Variants in P2RX7 observed in about 807,000 individuals in gnomAD.
The protein encoded by P2RX7 is purinergic receptor P2X 7, also known as P2X purinoceptor 7.
Under a neutral mutation model 71.6 loss-of-function variants are expected in P2RX7, and 62 were observed. That is an observed-to-expected ratio of 0.87 (90% CI 0.71 to 1.07). The LOEUF (loss-of-function observed/expected upper bound fraction) is 1.07, where lower values mean the gene tolerates loss of function less well. Ranked by LOEUF, P2RX7 falls within the 50% of genes least tolerant of loss-of-function variation. P2RX7 has a pLI of 0.00. For missense variants in P2RX7, 686 were observed against 748.5 expected (o/e 0.92, Z 0.97); for synonymous variants, 299 against 283.3 (o/e 1.06, Z -0.56).
intron 1 of P2RX7, among the ~76,000 whole-genome samples, chr12:121,146,768 C>T (rs996290943): frequency 2.6e-5 from 4 of 152,202 alleles, no homozygotes; most frequent in Non-Finnish European, 4.4e-5. Flanking sequence ...TTCCTGGCAA[C>T]ATGAATGCGG....
chr12:121,180,271 T>C lies in P2RX7; in HGVS notation c.1189-83T>C, dbSNP rs1883911701. ...GTTCAATAGTCTATCATTTGGCAAA[T>C]AGGAATTACAGTTGCCTTTAGATAG... On this transcript the variant is annotated intron_variant, in intron 11 of 12. Coordinates refer to ENST00000328963, the MANE Select transcript of P2RX7 (RefSeq NM_002562.6). The C allele has an allele frequency of 7.7e-6, 5 of 646,202 alleles. No homozygotes were observed. In the East Asian group the frequency reaches 1.1e-4, roughly 14 times the overall value. 40.0% of individuals were successfully genotyped at this position (646,202 alleles called of 1,614,324 possible).
At chr12:121,142,412 G>T (rs1875108190) in intron 1 of P2RX7, among the ~76,000 whole-genome samples, 1 of 152,146 alleles carries the variant, frequency 6.6e-6, no homozygotes, top group Non-Finnish European at 1.5e-5. Flanking sequence ...AGCCTGCTAT[G>T]ACACAACGCA....
At chr12:121,136,023 A>AATATATATATATATATATATAT (rs1555222078) in intron 1 of P2RX7, among the ~76,000 whole-genome samples, 19 of 15,220 alleles carry the variant, frequency 1.2e-3, no homozygotes, top group East Asian at 3.9e-3. Context: ...AAAAAAAAAA[A>AATATATATATATATATATATAT]ATATATATAT....
In P2RX7 at chr12:121,167,561, A is replaced by C. The variant is rs1881347913; in HGVS notation, c.818A>C (p.Tyr273Ser). The C allele has an allele frequency of 6.2e-7, 1 of 1,612,824 alleles. No individual in the cohort carries two copies. The highest frequency in any genetic ancestry group is 1.7e-5 in the Admixed American group (1 of 59,828). ...TGGTTCCATCACTGCCGTCCCAAATACAGTTTCCGTCGCCTTGACGACAAG... is the reference window on the plus strand; with the variant it reads ...TGGTTCCATCACTGCCGTCCCAAATCCAGTTTCCGTCGCCTTGACGACAAG... ...DRWFHHCRPK[Y>S]SFRRLDDKTT... Residue 273 changes from tyrosine to serine, a missense_variant, in exon 8 of 13, where the codon TAC (tyrosine) becomes TCC (serine). Transcript: ENST00000328963.
chr12:121,184,227 T>A lies in P2RX7; in HGVS notation c.1291-78T>A, dbSNP rs1884609725. On this transcript the variant is annotated intron_variant, in intron 12 of 12. Coordinates refer to ENST00000328963, the MANE Select transcript of P2RX7 (RefSeq NM_002562.6). ...AAATCATGTAATATTAAACGTAACT[T>A]TATAAGTTAATAAAATTAAAGAACC... 6 of 1,473,306 alleles carry A rather than the reference T, an allele frequency of 4.1e-6. No homozygotes were observed. The South Asian group carries it at 8.5e-5, about 21-fold the overall frequency. 91.3% of individuals were successfully genotyped at this position (1,473,306 alleles called of 1,614,324 possible).
chr12:121,175,323 A>AAAAAAAAC, intron 8 of P2RX7, 65 bp from the exon 9 acceptor site: 3 of 994,892 alleles, frequency 3.0e-6, no homozygotes, highest in South Asian at 3.0e-5. Flanking sequence ...AAAAAAAAAA[A>AAAAAAAAC]AAAAAACCCA....
intron 1 of P2RX7, among the ~76,000 whole-genome samples, chr12:121,147,369 G>T (rs762444948): frequency 3.9e-5 from 6 of 152,124 alleles, no homozygotes; most frequent in African/African-American, 1.4e-4. Flanking sequence ...GATTGCAAGA[G>T]TTAATATATG....
intron 1 of P2RX7, among the ~76,000 whole-genome samples, chr12:121,140,117 C>G (rs1367836578): frequency 6.6e-6 from 1 of 152,120 alleles, no homozygotes. Flanking sequence ...TGTGCTAGAG[C>G]TTGAGGGGAA....
chr12:121,174,101 G>T (rs554093102), intron 8 of P2RX7, among the ~76,000 whole-genome samples: 1 of 135,636 alleles, frequency 7.4e-6, no homozygotes, highest in Non-Finnish European at 1.5e-5. Context: ...AGGCTAGAGC[G>T]CAGTGATACG....
In P2RX7 at chr12:121,187,254, T is replaced by C. The variant is rs992401155; in HGVS notation, c.*2452T>C. 1 of 152,242 alleles carries C rather than the reference T, an allele frequency of 6.6e-6. No individual in the cohort carries two copies. Among genetic ancestry groups the C allele is most frequent in the African/African-American group, 2.4e-5 (1 of 41,472 alleles). The allele number at this position is 152,242 out of a possible 1,614,324, so 9.4% of individuals were successfully genotyped here. A position where few individuals can be genotyped will look rare whatever the true frequency, so the allele number is the denominator to read the frequency against. On this transcript the variant is annotated 3_prime_UTR_variant, in exon 13 of 13. Coordinates refer to ENST00000328963, the MANE Select transcript of P2RX7 (RefSeq NM_002562.6). ...TAAGAGTTACCATTTTGATACCTTT[T>C]AAAAACCAGCAGCTTTCTACTATAT...
In P2RX7 at chr12:121,165,579, G is replaced by A. The variant is rs891219953; in HGVS notation, c.614+142G>A. 4.0e-5 allele frequency: 28 copies of A among 705,826 alleles called. 2 individuals are homozygous for A. The highest frequency in any genetic ancestry group is 3.1e-4 in the South Asian group (18 of 57,618). 43.7% of individuals were successfully genotyped at this position (705,826 alleles called of 1,614,324 possible). ...AGGAATCTGGGAATGACTTTGCTGC[G>A]TGGTTCTGGCTCAAGGTCTGTCAGG... On this transcript the variant is annotated intron_variant, in intron 6 of 12. Transcript: ENST00000328963.
chr12:121,167,052 CA>C (rs528766613), intron 7 of P2RX7, among the ~76,000 whole-genome samples: 11,340 of 114,336 alleles, frequency 0.099, 466 homozygotes, highest in African/African-American at 0.16. Flanking sequence ...AACTCCATCT[CA>C]AAAAAAAAAA....
intron 3 of P2RX7, 58 bp from the exon 4 acceptor site, chr12:121,160,844 T>C: frequency 7.6e-7 from 1 of 1,307,624 alleles, no homozygotes; most frequent in Non-Finnish European, 1.1e-6. Context: ...GAATCACTTC[T>C]CCACGTCTTA....
At chr12:121,148,836 G>C (rs551669649) in intron 1 of P2RX7, among the ~76,000 whole-genome samples, 1 of 152,320 alleles carries the variant, frequency 6.6e-6, no homozygotes, top group East Asian at 1.9e-4. Context: ...AGATGCAGAG[G>C]CTGCACGCCA....
At chr12:121,146,919 A>G (rs1011881020) in intron 1 of P2RX7, among the ~76,000 whole-genome samples, 1 of 152,248 alleles carries the variant, frequency 6.6e-6, no homozygotes, top group African/African-American at 2.4e-5. Context: ...ATTAGGCAAG[A>G]AAAAGCAATA....
rs763247282 is a variant in P2RX7, at chr12:121,155,407, A to T, written c.294+454A>T. 1.2e-5 allele frequency: 15 copies of T among 1,289,996 alleles called. No individual in the cohort carries two copies. The East Asian group carries it at 8.3e-4, about 71-fold the overall frequency. 79.9% of individuals were successfully genotyped at this position (1,289,996 alleles called of 1,614,324 possible). A position where few individuals can be genotyped will look rare whatever the true frequency, so the allele number is the denominator to read the frequency against. ...TTTCCACAAAGAAAGGATGTAAATG[A>T]CAAAAAGAAGAAAGGCATCGGTCAC... is the stretch of plus-strand genomic sequence containing the variant. On this transcript the variant is annotated intron_variant, in intron 2 of 12. Coordinates refer to ENST00000328963, the MANE Select transcript of P2RX7 (RefSeq NM_002562.6).
chr12:121,172,114 G>A (rs1882320588), intron 8 of P2RX7, among the ~76,000 whole-genome samples: 1 of 64,102 alleles, frequency 1.6e-5, no homozygotes. Context: ...GCCTGCCTCG[G>A]CCTCCCAAAG....
At chr12:121,138,640 C>T (rs1402240073) in intron 1 of P2RX7, among the ~76,000 whole-genome samples, 1 of 152,234 alleles carries the variant, frequency 6.6e-6, no homozygotes, top group Non-Finnish European at 1.5e-5. Context: ...AGACAAAAAT[C>T]GGTGATCTAT....
chr12:121,149,608 C>T lies in P2RX7; in HGVS notation c.126-5177C>T, dbSNP rs750973455. 1.3e-5 allele frequency among the ~76,000 whole-genome samples: 2 copies of T among 152,166 alleles called. No homozygotes were observed. The highest frequency in any genetic ancestry group is 2.9e-5 in the Non-Finnish European group (2 of 68,032). ...GATTCAATTATCTCCCACCAGGTCCCTCCCACAACACATGGAAATTATGGG... is the reference window on the plus strand; with the variant it reads ...GATTCAATTATCTCCCACCAGGTCCTTCCCACAACACATGGAAATTATGGG... On this transcript the variant is annotated intron_variant, in intron 1 of 12. Coordinates refer to ENST00000328963, the MANE Select transcript of P2RX7 (RefSeq NM_002562.6). This position sits in a 1 kb window ranked among gnomAD's most constrained non-coding sequence, Gnocchi z 4.7.
Sources: gnomAD v4.1 joint callset for allele counts (sites outside exome capture counted in the v4.1 genomes callset) on GRCh38, gnomAD v4.1.1 for gene constraint, Gnocchi (gnomAD v3.1) non-coding constraint, MANE v1.5 for transcripts, NCBI Gene and HGNC (gene_info 2026-07-23, HGNC 2026-07-21) for gene names.